Variants in FBXL16 observed in about 807,000 individuals in gnomAD.
The protein encoded by FBXL16 is F-box/LRR-repeat protein 16.
Under a neutral mutation model 36.7 loss-of-function variants are expected in FBXL16, and 7 were observed. The observed-to-expected ratio is 0.19, with a 90% CI of 0.11 to 0.36. The LOEUF (loss-of-function observed/expected upper bound fraction) is 0.36, where lower values mean the gene tolerates loss of function less well. FBXL16 is among the 10% of genes least tolerant of loss of function. FBXL16 has a pLI of 1.00. For synonymous variants in FBXL16, 355 were observed against 308.7 expected (o/e 1.15, Z -1.57); for missense variants, 463 against 659.4 (o/e 0.70, Z 3.26).
At position 694,039 on chromosome 16, in the gene FBXL16, TGTGC is replaced by T. The variant is rs543438240; in HGVS notation, c.*232_*235del. On this transcript the variant is annotated 3_prime_UTR_variant, in exon 6 of 6. Coordinates refer to ENST00000397621, the MANE Select transcript of FBXL16 (RefSeq NM_153350.4). Reference sequence around the variant, plus strand: ...GAGGGGCATGCACAAAGTCCCCGAGTGTGCGTGCGTGCGTGGGGCGGGCCCACCC... The same window carrying T: ...GAGGGGCATGCACAAAGTCCCCGAGTGTGCGTGCGTGGGGCGGGCCCACCC... The T allele has an allele frequency of 5.3e-5, 11 of 208,728 alleles. No homozygotes were observed. Among genetic ancestry groups the T allele is most frequent in the East Asian group, 1.0e-4 (1 of 9,658 alleles). The allele number at this position is 208,728 out of a possible 1,614,324, so 12.9% of individuals were successfully genotyped here.
At position 705,758 on chromosome 16, in the gene FBXL16, G is replaced by C. The variant is rs2151523836; in HGVS notation, c.-261C>G. 6.7e-6 allele frequency: 1 copy of C among 148,920 alleles called. No individual in the cohort carries two copies. Among genetic ancestry groups the C allele is most frequent in the East Asian group, 2.0e-4 (1 of 5,088 alleles). 9.2% of individuals were successfully genotyped at this position (148,920 alleles called of 1,614,324 possible). A position where few individuals can be genotyped will look rare whatever the true frequency, so the allele number is the denominator to read the frequency against. ...ACCGGGGAGGCTGAGGCTGTGCCCA[G>C]ATAAATAAGGCCGCTTTGCAGGGAA... is the stretch of plus-strand genomic sequence containing the variant. On this transcript the variant is annotated 5_prime_UTR_variant, in exon 1 of 6. In the 5' UTR this introduces an upstream ATG that the reference lacks. Coordinates refer to ENST00000397621, the MANE Select transcript of FBXL16 (RefSeq NM_153350.4).
chr16:704,578 C>A (rs942346667), intron 1 of FBXL16, among the ~76,000 whole-genome samples: 3 of 152,228 alleles, frequency 2.0e-5, no homozygotes, highest in Admixed American at 6.5e-5. Flanking sequence ...AGTCTCCTGG[C>A]CTGACCCAGG....
rs543295696 is a variant in FBXL16 at position 692,998 on chromosome 16, G to T, written c.*1277C>A. ...CAGATAGGGAGTGTCCCAAGATTGG[G>T]TGTGGGCGCGGTATCTCCTGGGGCT... On this transcript the variant is annotated 3_prime_UTR_variant, in exon 6 of 6. Transcript: ENST00000397621. The T allele has an allele frequency of 7.2e-5, 11 of 152,346 alleles. No homozygotes were observed. The highest frequency in any genetic ancestry group is 2.6e-4 in the African/African-American group (11 of 41,550). The allele number at this position is 152,346 out of a possible 1,614,324, so 9.4% of individuals were successfully genotyped here.
intron 4 of FBXL16, 58 bp from the exon 5 acceptor site, chr16:694,755 C>T: frequency 1.3e-6 from 2 of 1,530,590 alleles, no homozygotes; most frequent in South Asian, 1.2e-5. Flanking sequence ...CGGAGGGCAC[C>T]CTGGGGTCCA....
chr16:698,990 G>A (rs1012722575), intron 1 of FBXL16, among the ~76,000 whole-genome samples: 2 of 151,134 alleles, frequency 1.3e-5, no homozygotes, highest in African/African-American at 4.9e-5. Flanking sequence ...TCCATGCAAA[G>A]AAAGGGCGGG....
intron 1 of FBXL16, among the ~76,000 whole-genome samples, chr16:699,336 AAAG>A (rs1282815920): frequency 1.3e-5 from 2 of 152,198 alleles, no homozygotes; most frequent in African/African-American, 4.8e-5. Context: ...ACAGCCACGG[AAAG>A]AAGCAGAGGT....
rs142135051 is a variant in FBXL16, at chr16:696,839, C to T, written c.567G>A (p.Ala189=). ...TGGCTTTGACACCCTTCTTGGAGAGCGCATAGTTGTCAATGAACTCACAGA... is the reference window on the plus strand; with the variant it reads ...TGGCTTTGACACCCTTCTTGGAGAGTGCATAGTTGTCAATGAACTCACAGA... ...LDICEFIDNY[A]LSKKGVKAMS... The change falls in exon 2 of 6, where the codon GCG becomes GCA. Residue 189 remains alanine (A), a synonymous_variant. Coordinates refer to ENST00000397621, the MANE Select transcript of FBXL16 (RefSeq NM_153350.4). 8.4e-5 allele frequency: 135 copies of T among 1,599,414 alleles called. 1 individual carries two copies. Among genetic ancestry groups the T allele is most frequent in the South Asian group, 1.7e-4 (15 of 88,538 alleles).
At chr16:700,042 G>T (rs1335354715) in intron 1 of FBXL16, among the ~76,000 whole-genome samples, 3 of 150,514 alleles carry the variant, frequency 2.0e-5, no homozygotes, top group Admixed American at 2.0e-4. Context: ...GGGGGGAGGG[G>T]AGGCAGGGAG....
chr16:696,632 A>T, intron 2 of FBXL16, 141 bp downstream of exon 2: 1 of 471,934 alleles, frequency 2.1e-6, no homozygotes, highest in Non-Finnish European at 2.8e-6. Flanking sequence ...CAAGGGACCC[A>T]CATTTTCGCT....
At chr16:704,737 A>C (rs1225457729) in intron 1 of FBXL16, among the ~76,000 whole-genome samples, 1 of 152,152 alleles carries the variant, frequency 6.6e-6, no homozygotes, top group East Asian at 1.9e-4. Context: ...GAGGCAGGTG[A>C]GGTGGCCTCC....
Position 694,437 on chromosome 16 carries a change from A to T in FBXL16, c.1292-14T>A. The T allele has an allele frequency of 6.5e-7, 1 of 1,537,636 alleles. No homozygotes were observed. Among genetic ancestry groups the T allele is most frequent in the Non-Finnish European group, 8.7e-7 (1 of 1,150,206 alleles). On this transcript the variant is annotated splice_polypyrimidine_tract_variant and intron_variant, in intron 5 of 5. Transcript: ENST00000397621. ...GCAGCGGGCAGCCTGCGGCGGGGTCAGAGGGCGGCTCAGTGCGCGCGGCCC... is the reference window on the plus strand; with the variant it reads ...GCAGCGGGCAGCCTGCGGCGGGGTCTGAGGGCGGCTCAGTGCGCGCGGCCC...
rs2040017650 is a variant in FBXL16 at position 696,990 on chromosome 16, G to A, written c.416C>T (p.Pro139Leu). Residue 139 changes from proline (P) to leucine (L), a missense_variant, in exon 2 of 6, where the codon CCG (proline) becomes CTG (leucine). By Grantham distance (98) the Pro-to-Leu change is moderately conservative. Around this residue, in one of 3 missense-constraint regions of FBXL16, gnomAD observed 263 missense variants for 341.1 expected, o/e 0.77. Transcript: ENST00000397621. ...YQPKFWAGLT[P>L]VLHAKELYNV... The stretch of plus-strand genomic sequence containing the variant: ...GTAGAGCTCCTTGGCATGCAGCACC[G>A]GCGTGAGGCCTGCCCAGAACTTGGG... The A allele has an allele frequency of 2.5e-6, 4 of 1,595,180 alleles. No homozygotes were observed. Among genetic ancestry groups the A allele is most frequent in the Non-Finnish European group, 2.6e-6 (3 of 1,171,578 alleles).
In FBXL16 at chr16:694,507, G is replaced by A. The variant is rs542364837; in HGVS notation, c.1292-84C>T. ...CCGGGCCGCGCCTCCCTCCTCCTCCGCCTCGGACCCGGGACTGTGTGTCCG... is the reference window on the plus strand; with the variant it reads ...CCGGGCCGCGCCTCCCTCCTCCTCCACCTCGGACCCGGGACTGTGTGTCCG... On this transcript the variant is annotated intron_variant, in intron 5 of 5. Transcript: ENST00000397621. The A allele has an allele frequency of 1.6e-5, 24 of 1,495,174 alleles. No individual in the cohort carries two copies. In the African/African-American group the frequency reaches 2.9e-4, roughly 18 times the overall value. The allele number at this position is 1,495,174 out of a possible 1,614,324, so 92.6% of individuals were successfully genotyped here.
chr16:701,341 C>T (rs1448341391), intron 1 of FBXL16, among the ~76,000 whole-genome samples: 1 of 152,200 alleles, frequency 6.6e-6, no homozygotes, highest in East Asian at 1.9e-4. Context: ...GAGCTGCATC[C>T]CCGCACAGGC....
chr16:703,865 T>A (rs2040073026), intron 1 of FBXL16, among the ~76,000 whole-genome samples: 1 of 152,238 alleles, frequency 6.6e-6, no homozygotes, highest in African/African-American at 2.4e-5. Flanking sequence ...TCTCAGCCCC[T>A]GCTCGGAAGA....
At chr16:695,322 CCCCCGCCCCCGGCCCCGTGCAGCCCCG>C (rs1320024163) in intron 3 of FBXL16, 66 bp downstream of exon 3, 8 of 1,073,128 alleles carry the variant, frequency 7.5e-6, no homozygotes, top group East Asian at 7.1e-5. Flanking sequence ...CCGCCGGAAG[CCCCCGCCCCCGGCCCCGTGCAGCCCCG>C]CCCCGCCCCG....
At chr16:696,338 G>A (rs2151520472) in intron 2 of FBXL16, among the ~76,000 whole-genome samples, 1 of 152,210 alleles carries the variant, frequency 6.6e-6, no homozygotes, top group East Asian at 1.9e-4. Context: ...TCAGCTCACT[G>A]TACCCCCCGC....
intron 1 of FBXL16, among the ~76,000 whole-genome samples, chr16:699,898 G>A (rs2040043312): frequency 1.3e-5 from 2 of 152,330 alleles, no homozygotes; most frequent in African/African-American, 4.8e-5. Context: ...TCAGGAAGAG[G>A]ATGGCTCACA....
chr16:695,532 G>A lies in FBXL16; in HGVS notation c.1025C>T (p.Ala342Val), dbSNP rs529252326. 2.5e-6 allele frequency: 4 copies of A among 1,600,022 alleles called. No individual in the cohort carries two copies. The highest frequency in any genetic ancestry group is 2.2e-5 in the East Asian group (1 of 44,726). Residue 342 changes from alanine (A) to valine (V), a missense_variant, in exon 3 of 6, where the codon GCC (alanine) becomes GTC (valine). Physicochemically the swap from Ala to Val is moderately conservative, Grantham distance 64. Around this residue, in one of 3 missense-constraint regions of FBXL16, gnomAD observed 66 missense variants for 146.3 expected, o/e 0.45. Transcript: ENST00000397621. ...GCTGCGCAGCTTGCGCAGGTTCTCGGCCACGAGCTCCACGCCGTCGTCGGT... is the reference window on the plus strand; with the variant it reads ...GCTGCGCAGCTTGCGCAGGTTCTCGACCACGAGCTCCACGCCGTCGTCGGT... ...KVTDDGVELVAENLRKLRSLD... is the reference protein window; with the variant it reads ...KVTDDGVELVVENLRKLRSLD...
Sources: gnomAD v4.1 joint callset for allele counts (sites outside exome capture counted in the v4.1 genomes callset) on GRCh38, gnomAD v4.1.1 for gene constraint, gnomAD v4.1.1 regional missense constraint, MANE v1.5 for transcripts, NCBI Gene and HGNC (gene_info 2026-07-23, HGNC 2026-07-21) for gene names.